LYPLAL1: variants seen among roughly 807,000 people sequenced by gnomAD.
LYPLAL1 encodes lysophospholipase-like protein 1.
A neutral mutation model predicts 19.7 loss-of-function variants in LYPLAL1; 23 were observed. The observed-to-expected ratio is 1.17, with a 90% CI of 0.84 to 1.65. The LOEUF is 1.65. Among genes scored for constraint, LYPLAL1 ranks in the 40% most tolerant of loss-of-function variants. The pLI, the probability that LYPLAL1 is intolerant of heterozygous loss-of-function variation, is 0.00. For missense variants in LYPLAL1, 355 were observed against 279.4 expected (o/e 1.27, Z -1.93); for synonymous variants, 119 against 96.3 (o/e 1.24, Z -1.38).
chr1:219,434,042 G>A, the LYPLAL1 span, among the ~76,000 whole-genome samples: 1 of 151,792 alleles, frequency 6.6e-6, no homozygotes, highest in Non-Finnish European at 1.5e-5. Context: ...ATTTTAAAAT[G>A]CAGTAAAAAG....
At chr1:219,365,021 T>C in the LYPLAL1 span, among the ~76,000 whole-genome samples, 3 of 152,116 alleles carry the variant, frequency 2.0e-5, no homozygotes, top group Non-Finnish European at 2.9e-5. Flanking sequence ...TTACATCAGA[T>C]TTTTTTAATT....
chr1:219,434,119 G>A, the LYPLAL1 span, among the ~76,000 whole-genome samples: 5 of 151,886 alleles, frequency 3.3e-5, no homozygotes, highest in South Asian at 2.1e-4. Context: ...ACATTTTACC[G>A]TTATCTAGAA....
At chr1:219,285,179 C>G in the LYPLAL1 span, among the ~76,000 whole-genome samples, 2 of 152,168 alleles carry the variant, frequency 1.3e-5, no homozygotes, top group Non-Finnish European at 2.9e-5. Flanking sequence ...GAAAAGAAAT[C>G]AACTTTATCG....
chr1:219,244,693 C>A, the LYPLAL1 span, among the ~76,000 whole-genome samples: 1 of 152,110 alleles, frequency 6.6e-6, no homozygotes, highest in Admixed American at 6.5e-5. Flanking sequence ...CATCCGTAAT[C>A]CCAGCACTTT....
At chr1:219,205,853 A>G (rs1166517297) in intron 3 of LYPLAL1, among the ~76,000 whole-genome samples, 1 of 152,194 alleles carries the variant, frequency 6.6e-6, no homozygotes, top group East Asian at 1.9e-4. Context: ...AACTAGTAGG[A>G]CTTTAAAGGC....
chr1:219,434,059 A>C, the LYPLAL1 span, among the ~76,000 whole-genome samples: 1 of 152,224 alleles, frequency 6.6e-6, no homozygotes, highest in African/African-American at 2.4e-5. Context: ...AAAGAAAAAA[A>C]AAAGTCACTG....
the LYPLAL1 span, among the ~76,000 whole-genome samples, chr1:219,313,089 G>C: frequency 6.6e-6 from 1 of 152,122 alleles, no homozygotes; most frequent in African/African-American, 2.4e-5. Context: ...GGCAGATCTC[G>C]TTGTTCTGTC....
At chr1:219,306,841 T>TAGACAGACAGAC in the LYPLAL1 span, among the ~76,000 whole-genome samples, 43 of 80,644 alleles carry the variant, frequency 5.3e-4, no homozygotes, top group African/African-American at 1.5e-3. Context: ...GATAGATAGA[T>TAGACAGACAGAC]AGATAGATAG....
the LYPLAL1 span, among the ~76,000 whole-genome samples, chr1:219,258,441 C>T: frequency 6.6e-5 from 10 of 152,146 alleles, no homozygotes; most frequent in Middle Eastern, 3.4e-3. Flanking sequence ...CCAGTCCCTC[C>T]GTTCGGGGTC....
the LYPLAL1 span, among the ~76,000 whole-genome samples, chr1:219,354,189 GCAAAAGTTC>G: frequency 6.6e-6 from 1 of 152,126 alleles, no homozygotes; most frequent in African/African-American, 2.4e-5. Flanking sequence ...GAAAAAAATG[GCAAAAGTTC>G]CACTTTTTTT....
chr1:219,184,571 A>T (rs1443537519), intron 2 of LYPLAL1, among the ~76,000 whole-genome samples: 2 of 151,820 alleles, frequency 1.3e-5, no homozygotes, highest in African/African-American at 4.8e-5. Context: ...GTTAAGTGTG[A>T]TGTTAGTTCT....
At chr1:219,177,301 G>A (rs1220409753) in intron 1 of LYPLAL1, among the ~76,000 whole-genome samples, 2 of 152,138 alleles carry the variant, frequency 1.3e-5, no homozygotes, top group African/African-American at 4.8e-5. Context: ...AGTCAGGTAA[G>A]CATTTTAGCT....
the LYPLAL1 span, among the ~76,000 whole-genome samples, chr1:219,414,605 ATTAC>A: frequency 1.3e-5 from 2 of 152,182 alleles, no homozygotes; most frequent in Non-Finnish European, 2.9e-5. Flanking sequence ...TTGGAACTAC[ATTAC>A]CTAAGTTTAT....
At chr1:219,347,895 C>G in the LYPLAL1 span, among the ~76,000 whole-genome samples, 1 of 151,978 alleles carries the variant, frequency 6.6e-6, no homozygotes, top group African/African-American at 2.4e-5. Context: ...CTTGAGCTCC[C>G]CCACAGGAGC....
At position 219,210,481 on chromosome 1, in the gene LYPLAL1, C is replaced by T. The variant is rs1165027487; in HGVS notation, c.362-51C>T. The T allele has an allele frequency of 5.2e-6, 6 of 1,162,960 alleles. No homozygotes were observed. The East Asian group carries it at 1.6e-4, about 30-fold the overall frequency. The allele number at this position is 1,162,960 out of a possible 1,614,324, so 72.0% of individuals were successfully genotyped here. A position where few individuals can be genotyped will look rare whatever the true frequency, so the allele number is the denominator to read the frequency against. Reference sequence around the variant, plus strand: ...TATGGAAAATTGTTATATATCATATCCTAAATTATTATTTTATGTATTCTA... The same window carrying T: ...TATGGAAAATTGTTATATATCATATTCTAAATTATTATTTTATGTATTCTA... On this transcript the variant is annotated intron_variant, in intron 3 of 4. Transcript: ENST00000366928.
chr1:219,384,419 C>A, the LYPLAL1 span, among the ~76,000 whole-genome samples: 2,073 of 152,320 alleles, frequency 0.014, 43 homozygotes, highest in African/African-American at 0.047. Flanking sequence ...AATGATACCT[C>A]TGTTGGCAAT....
chr1:219,324,762 C>T, the LYPLAL1 span, among the ~76,000 whole-genome samples: 40 of 151,994 alleles, frequency 2.6e-4, no homozygotes, highest in Admixed American at 8.5e-4. Flanking sequence ...TGAAGAGTTG[C>T]AAAGTAAAAG....
At chr1:219,374,874 C>A in the LYPLAL1 span, among the ~76,000 whole-genome samples, 1 of 152,298 alleles carries the variant, frequency 6.6e-6, no homozygotes, top group South Asian at 2.1e-4. Flanking sequence ...AGTCAACAAT[C>A]TCCATGATTC....
chr1:219,274,302 G>A, the LYPLAL1 span, among the ~76,000 whole-genome samples: 7 of 152,144 alleles, frequency 4.6e-5, no homozygotes, highest in Admixed American at 6.5e-5. Context: ...GTTAGAAGGC[G>A]TGCAAAAGGA....
Sources: allele counts gnomAD v4.1 joint callset (sites outside exome capture counted in the v4.1 genomes callset), GRCh38; gene constraint gnomAD v4.1.1; transcripts MANE v1.5; gene names NCBI Gene and HGNC (gene_info 2026-07-23, HGNC 2026-07-21).